The following CPLX1 variants were observed in gnomAD, a reference collection of about 807,000 sequenced individuals.
CPLX1 encodes complexin 1.
A neutral mutation model predicts 15.6 loss-of-function variants in CPLX1; 6 were observed. That is an observed-to-expected ratio of 0.39 (90% CI 0.21 to 0.76). CPLX1 has a LOEUF of 0.76. CPLX1 is among the 30% of genes least tolerant of loss of function. CPLX1 has a pLI of 0.43. For synonymous variants in CPLX1, 91 were observed against 75.2 expected, an observed-to-expected ratio of 1.21 and a Z score of -1.08; for missense variants, 242 against 188.6, an observed-to-expected ratio of 1.28 and a Z score of -1.66.
chr4:803,566 AT>A (rs370509722), intron 2 of CPLX1, among the ~76,000 whole-genome samples: 9,244 of 131,890 alleles, frequency 0.07, 356 homozygotes, highest in South Asian at 0.16. Context: ...AATTTTTTGT[AT>A]TTTTTTTTTT....
chr4:805,022 G>C, intron 2 of CPLX1: 4 of 786,370 alleles, frequency 5.1e-6, no homozygotes, highest in Non-Finnish European at 6.2e-6. Context: ...ACGCACGCTC[G>C]CGCACCGTCT....
At chr4:818,451 CCT>C (rs1320087127) in intron 2 of CPLX1, among the ~76,000 whole-genome samples, 1 of 152,262 alleles carries the variant, frequency 6.6e-6, no homozygotes, top group Non-Finnish European at 1.5e-5. Context: ...TGCAATGCTC[CCT>C]CTGTTTTGCG....
At chr4:793,097 T>G (rs1746234228) in intron 2 of CPLX1, among the ~76,000 whole-genome samples, 1 of 152,218 alleles carries the variant, frequency 6.6e-6, no homozygotes, top group African/African-American at 2.4e-5. Context: ...TGGTTGCGCG[T>G]GCAGTTGTGT....
chr4:821,244 C>T (rs1746857035), intron 2 of CPLX1, among the ~76,000 whole-genome samples: 1 of 152,206 alleles, frequency 6.6e-6, no homozygotes, highest in South Asian at 2.1e-4. Flanking sequence ...AGTCACTGGA[C>T]CTGCCCGCTA....
chr4:822,898 G>C (rs1311156594), intron 2 of CPLX1, among the ~76,000 whole-genome samples: 1 of 152,166 alleles, frequency 6.6e-6, no homozygotes, highest in Non-Finnish European at 1.5e-5. Context: ...AGCCAATGTG[G>C]GGTGCTCTGG....
chr4:790,960 CTG>C (rs1746153330), intron 3 of CPLX1, among the ~76,000 whole-genome samples: 5 of 139,094 alleles, frequency 3.6e-5, no homozygotes, highest in Non-Finnish European at 4.7e-5. Context: ...CTCTCCCTCT[CTG>C]TGTCTCTGTC....
chr4:786,969 C>T (rs1045097097), intron 3 of CPLX1: 3 of 985,324 alleles, frequency 3.0e-6, no homozygotes. Context: ...GGAGAGAGGG[C>T]TGTGGCCCCA....
intron 2 of CPLX1, among the ~76,000 whole-genome samples, chr4:810,036 A>G (rs1048458482): frequency 1.4e-5 from 2 of 145,294 alleles, no homozygotes; most frequent in Non-Finnish European, 3.0e-5. Context: ...GTCTGTGTGG[A>G]TCTGCACTTT....
chr4:823,388 G>A (rs1746908586), intron 2 of CPLX1, among the ~76,000 whole-genome samples: 1 of 152,112 alleles, frequency 6.6e-6, no homozygotes, highest in African/African-American at 2.4e-5. Context: ...CTCCTGCCCT[G>A]GGGGAAGCGG....
At chr4:787,399 C>T (rs1305378873) in intron 3 of CPLX1, 12 of 983,802 alleles carry the variant, frequency 1.2e-5, no homozygotes, top group Admixed American at 6.1e-5. Flanking sequence ...ATATTGTCCC[C>T]CTCAAATTCA....
chr4:804,095 G>A (rs891597539), intron 2 of CPLX1, among the ~76,000 whole-genome samples: 3 of 152,254 alleles, frequency 2.0e-5, no homozygotes, highest in East Asian at 1.9e-4. Flanking sequence ...CACACGGCCT[G>A]GGCGTGCAGG....
chr4:807,442 ACCTACACAT>A (rs1746577084), intron 2 of CPLX1, among the ~76,000 whole-genome samples: 2 of 152,114 alleles, frequency 1.3e-5, no homozygotes, highest in South Asian at 4.2e-4. Context: ...TATGTAACAA[ACCTACACAT>A]CCTGCACATG....
rs1380314152 is a variant in CPLX1, at chr4:785,671, G to C, written c.*830C>G. ...TGCCCACGGAGGAGGTGCTGGGCAG[G>C]GGCGCAGGGTCTCCAGCGTCCGGTG... On this transcript the variant is annotated 3_prime_UTR_variant, in exon 4 of 4. Transcript: ENST00000304062. 3 of 152,522 alleles carry C rather than the reference G, an allele frequency of 2.0e-5. No homozygotes were observed. The highest frequency in any genetic ancestry group is 4.4e-5 in the Non-Finnish European group (3 of 68,218). The allele number at this position is 152,522 out of a possible 1,614,324, so 9.4% of individuals were successfully genotyped here. A position where few individuals can be genotyped will look rare whatever the true frequency, so the allele number is the denominator to read the frequency against.
chr4:792,682 C>G, intron 2 of CPLX1, 74 bp from the exon 3 acceptor site: 2 of 1,495,460 alleles, frequency 1.3e-6, no homozygotes, highest in East Asian at 4.8e-5. Context: ...AGCCACACTC[C>G]CCCACCTTCT....
chr4:824,682 G>A (rs970149440), intron 1 of CPLX1, 81 bp from the exon 2 acceptor site: 5 of 790,752 alleles, frequency 6.3e-6, no homozygotes, highest in Non-Finnish European at 6.6e-6. Context: ...TTCCTTACCC[G>A]CAATACCTTG....
intron 2 of CPLX1, among the ~76,000 whole-genome samples, chr4:811,435 T>G (rs896212911): frequency 6.6e-6 from 1 of 152,038 alleles, no homozygotes; most frequent in African/African-American, 2.4e-5. Context: ...CATGAGCCAC[T>G]GCACCCAGCC....
intron 2 of CPLX1, among the ~76,000 whole-genome samples, chr4:811,830 T>C (rs570937112): frequency 6.6e-6 from 1 of 152,312 alleles, no homozygotes; most frequent in African/African-American, 2.4e-5. Context: ...GGTTTGTATG[T>C]TTCTCCTGTG....
chr4:806,953 G>A (rs1262317541), intron 2 of CPLX1, among the ~76,000 whole-genome samples: 1 of 152,194 alleles, frequency 6.6e-6, no homozygotes, highest in African/African-American at 2.4e-5. Flanking sequence ...AATACCATTT[G>A]ACTCAGCAAT....
chr4:800,742 T>A (rs980568566), intron 2 of CPLX1, among the ~76,000 whole-genome samples: 6 of 142,546 alleles, frequency 4.2e-5, no homozygotes, highest in African/African-American at 1.6e-4. Flanking sequence ...AAAATATATA[T>A]ATATATATAT....
Sources: gnomAD v4.1 joint callset for allele counts (sites outside exome capture counted in the v4.1 genomes callset) on GRCh38, gnomAD v4.1.1 for gene constraint, MANE v1.5 for transcripts, NCBI Gene and HGNC (gene_info 2026-07-23, HGNC 2026-07-21) for gene names.